The following RPS6KA2 variants were observed in gnomAD, a reference collection of about 807,000 sequenced individuals.
The protein encoded by RPS6KA2 is ribosomal protein S6 kinase A2.
A neutral mutation model predicts 91.8 loss-of-function variants in RPS6KA2; 42 were observed. That is an observed-to-expected ratio of 0.46 (90% CI 0.36 to 0.59). The LOEUF (loss-of-function observed/expected upper bound fraction) is 0.59, where lower values mean the gene tolerates loss of function less well. Ranked by LOEUF, RPS6KA2 falls within the 20% of genes least tolerant of loss-of-function variation. The pLI, the probability that RPS6KA2 is intolerant of heterozygous loss-of-function variation, is 0.00. For synonymous variants in RPS6KA2, 414 were observed against 393.6 expected, an observed-to-expected ratio of 1.05 and a Z score of -0.61; for missense variants, 798 against 978.5, an observed-to-expected ratio of 0.82 and a Z score of 2.46.
In RPS6KA2 at chr6:166,412,473, GCTCTGAAAGAAGCCCCCGGC is replaced by G; in HGVS notation, c.*269_*288del. 3.9e-6 allele frequency: 1 copy of G among 259,306 alleles called. No individual in the cohort carries two copies. 16.1% of individuals were successfully genotyped at this position (259,306 alleles called of 1,614,324 possible). On this transcript the variant is annotated 3_prime_UTR_variant, in exon 21 of 21. Coordinates refer to ENST00000265678, the MANE Select transcript of RPS6KA2 (RefSeq NM_021135.6). The surrounding 1 kb of genome is among the most constrained non-coding windows in gnomAD (Gnocchi z 4.3). Reference sequence around the variant, plus strand: ...AAGCCATGTATGAGAGGACCCGCGGGCTCTGAAAGAAGCCCCCGGCCTCGCACGGGCACGCGAGGTGAAGG... The same window carrying G: ...AAGCCATGTATGAGAGGACCCGCGGGCTCGCACGGGCACGCGAGGTGAAGG...
intron 2 of RPS6KA2, chr6:166,757,700 C>T (rs1353290812): frequency 4.7e-6 from 2 of 426,522 alleles, no homozygotes; most frequent in African/African-American, 4.1e-5. Context: ...CAGGCAGCCA[C>T]CCCGCACACC....
intron 11 of RPS6KA2, among the ~76,000 whole-genome samples, chr6:166,466,707 C>T (rs1780535334): frequency 6.6e-6 from 1 of 152,260 alleles, no homozygotes; most frequent in Non-Finnish European, 1.5e-5. Context: ...GAGAGTCTCA[C>T]TCATTCATTC....
At chr6:166,839,680 CAGGAGAGGAG>C (rs1780409749) in intron 2 of RPS6KA2, among the ~76,000 whole-genome samples, 1 of 706 alleles carries the variant, frequency 1.4e-3, no homozygotes, top group African/African-American at 4.5e-3. Context: ...GAAATCAGAG[CAGGAGAGGAG>C]AGGGGAGGAG....
intron 2 of RPS6KA2, among the ~76,000 whole-genome samples, chr6:166,776,523 A>G (rs562794544): frequency 3.6e-4 from 55 of 152,242 alleles, no homozygotes; most frequent in African/African-American, 1.2e-3. Context: ...TCACCAGGTA[A>G]TTCCCAACAT....
chr6:166,653,006 C>T lies in RPS6KA2; in HGVS notation c.124-114222G>A, dbSNP rs112340216. Among the ~76,000 whole-genome samples the T allele has an allele frequency of 3.3e-5, 5 of 152,184 alleles. No homozygotes were observed. The South Asian group carries it at 6.2e-4, about 19-fold the overall frequency. ...ACACTCTGCCTTCCCAGGGTAGCCC[C>T]GGGCCACAGAACCTGCCACTAGGCA... On this transcript the variant is annotated intron_variant, in intron 2 of 21. Transcript: ENST00000503859.
chr6:166,844,119 C>T (rs562151045), intron 2 of RPS6KA2, among the ~76,000 whole-genome samples: 22 of 151,904 alleles, frequency 1.4e-4, no homozygotes, highest in African/African-American at 5.3e-4. Context: ...TAGAGAAATA[C>T]AAAATGTGCT....
At chr6:166,813,079 G>T (rs1362990888) in intron 2 of RPS6KA2, among the ~76,000 whole-genome samples, 1 of 152,110 alleles carries the variant, frequency 6.6e-6, no homozygotes, top group Non-Finnish European at 1.5e-5. Flanking sequence ...GGGTTGAGAG[G>T]CACTGCTTCT....
intron 1 of RPS6KA2, among the ~76,000 whole-genome samples, chr6:166,567,030 A>T (rs1784528081): frequency 6.6e-6 from 1 of 152,254 alleles, no homozygotes. Context: ...AAATACGCTG[A>T]AAACAGCTTC....
chr6:166,780,015 T>C (rs1778726381), intron 2 of RPS6KA2, among the ~76,000 whole-genome samples: 1 of 152,172 alleles, frequency 6.6e-6, no homozygotes, highest in African/African-American at 2.4e-5. Flanking sequence ...CCCTTTTCTA[T>C]GGGAGATAGG....
At chr6:166,739,931 T>C (rs1790765308) in intron 2 of RPS6KA2, among the ~76,000 whole-genome samples, 1 of 152,236 alleles carries the variant, frequency 6.6e-6, no homozygotes, top group South Asian at 2.1e-4. Context: ...TCCTCTCATG[T>C]GGATGACACC....
Position 166,586,459 on chromosome 6 carries a change from C to T in RPS6KA2, c.99+40462G>A, listed in dbSNP as rs1394545907. 3.8e-6 allele frequency: 6 copies of T among 1,598,832 alleles called. No homozygotes were observed. The East Asian group carries it at 6.7e-5, about 18-fold the overall frequency. On this transcript the variant is annotated intron_variant, in intron 1 of 20. Coordinates refer to ENST00000265678, the MANE Select transcript of RPS6KA2 (RefSeq NM_021135.6). ...AACATCTCTTCAAAATTTGGAACAG[C>T]TTCGGCAGTGTCAGTCATTCTGAAA... is the stretch of plus-strand genomic sequence containing the variant.
At chr6:166,636,510 C>A (rs1299301300) in intron 2 of RPS6KA2, among the ~76,000 whole-genome samples, 1 of 152,220 alleles carries the variant, frequency 6.6e-6, no homozygotes, top group Non-Finnish European at 1.5e-5. Flanking sequence ...ATTCTTCTTC[C>A]TTTTCTCCTC....
In RPS6KA2 at chr6:166,493,837, C is replaced by T. The variant is rs1441853808; in HGVS notation, c.748-3096G>A. 6.6e-6 allele frequency among the ~76,000 whole-genome samples: 1 copy of T among 152,134 alleles called. No homozygotes were observed. The highest frequency in any genetic ancestry group is 1.5e-5 in the Non-Finnish European group (1 of 68,016). ...ACATCCTATGACACACAGGGCGCCC[C>T]ACAACAAGGAAGTGTCCAGTCCCGA... On this transcript the variant is annotated intron_variant, in intron 8 of 20. Coordinates refer to ENST00000265678, the MANE Select transcript of RPS6KA2 (RefSeq NM_021135.6). The surrounding 1 kb of genome is among the most constrained non-coding windows in gnomAD (Gnocchi z 4.7).
intron 12 of RPS6KA2, among the ~76,000 whole-genome samples, chr6:166,452,093 T>C (rs937523480): frequency 6.6e-6 from 1 of 152,114 alleles, no homozygotes; most frequent in African/African-American, 2.4e-5. Context: ...CATATTTAAA[T>C]AGGACAACAC....
chr6:166,679,252 G>A (rs1469339932), intron 2 of RPS6KA2, among the ~76,000 whole-genome samples: 2 of 151,702 alleles, frequency 1.3e-5, no homozygotes, highest in African/African-American at 4.8e-5. Context: ...TCAGGAGTTC[G>A]AGACCAGCCT....
At position 166,726,404 on chromosome 6, in the gene RPS6KA2, A is replaced by G. The variant is rs1362612493; in HGVS notation, c.123+131796T>C. 6.6e-6 allele frequency among the ~76,000 whole-genome samples: 1 copy of G among 152,204 alleles called. No individual in the cohort carries two copies. Among genetic ancestry groups the G allele is most frequent in the East Asian group, 1.9e-4 (1 of 5,192 alleles). ...AGAGCTGCAAGCAGCAAGTTGACAC[A>G]ACACTTAGCAAACTCTTAGTCACCT... On this transcript the variant is annotated intron_variant, in intron 2 of 21. Transcript: ENST00000503859. The surrounding 1 kb of genome is among the most constrained non-coding windows in gnomAD (Gnocchi z 4.4).
intron 2 of RPS6KA2, among the ~76,000 whole-genome samples, chr6:166,834,103 T>C (rs9295375): frequency 0.54 from 81,836 of 151,984 alleles, 23,804 homozygotes; most frequent in Middle Eastern, 0.73. Flanking sequence ...CTATAAAAGA[T>C]GTTGCCCAAC....
At chr6:166,699,891 A>G (rs1789460450) in intron 2 of RPS6KA2, among the ~76,000 whole-genome samples, 1 of 152,262 alleles carries the variant, frequency 6.6e-6, no homozygotes, top group Admixed American at 6.5e-5. Flanking sequence ...AAAATCTTCA[A>G]AATAGCTTAG....
intron 16 of RPS6KA2, among the ~76,000 whole-genome samples, chr6:166,428,470 A>G (rs1243890827): frequency 7.3e-6 from 1 of 137,334 alleles, no homozygotes; most frequent in African/African-American, 2.8e-5. Flanking sequence ...TAATTAAACT[A>G]AAGAGCTTCT....
Sources: gnomAD v4.1 joint callset for allele counts (sites outside exome capture counted in the v4.1 genomes callset) on GRCh38, gnomAD v4.1.1 for gene constraint, Gnocchi (gnomAD v3.1) non-coding constraint, MANE v1.5 for transcripts, NCBI Gene and HGNC (gene_info 2026-07-23, HGNC 2026-07-21) for gene names.